The following CEP112 variants were observed in gnomAD, a reference collection of about 807,000 sequenced individuals.
The protein encoded by CEP112 is centrosomal protein of 112 kDa.
CEP112 carries 127 observed loss-of-function variants against 153.0 expected under a neutral mutation model. That is an observed-to-expected ratio of 0.83 (90% CI 0.72 to 0.96). The LOEUF (loss-of-function observed/expected upper bound fraction) is 0.96. Among genes scored for constraint, CEP112 ranks in the 40% least tolerant of loss-of-function variants. The pLI, the probability that CEP112 is intolerant of heterozygous loss-of-function variation, is 0.00. For missense variants in CEP112, 1,089 were observed against 1,101.2 expected (o/e 0.99, Z 0.16); for synonymous variants, 358 against 374.4 (o/e 0.96, Z 0.51).
intron 21 of CEP112, among the ~76,000 whole-genome samples, chr17:65,830,930 C>T (rs2057049380): frequency 6.6e-6 from 1 of 152,154 alleles, no homozygotes. Flanking sequence ...TATAAATCTT[C>T]CCCAGACCAG....
intron 6 of CEP112, among the ~76,000 whole-genome samples, chr17:66,110,688 A>G (rs1294915172): frequency 1.3e-5 from 2 of 150,698 alleles, no homozygotes; most frequent in African/African-American, 4.9e-5. Context: ...AAAAAAAAAA[A>G]GCATAAATAC....
At chr17:65,980,242 A>G (rs897395117) in intron 17 of CEP112, among the ~76,000 whole-genome samples, 4 of 152,224 alleles carry the variant, frequency 2.6e-5, no homozygotes, top group African/African-American at 7.2e-5. Context: ...AATAAATTTT[A>G]TATCAAGTAA....
intron 20 of CEP112, among the ~76,000 whole-genome samples, chr17:65,863,011 TTAG>T (rs1191257166): frequency 3.3e-5 from 5 of 152,122 alleles, no homozygotes; most frequent in East Asian, 1.9e-4. Context: ...GAATAACATA[TTAG>T]TAGTTCTAGT....
intron 20 of CEP112, among the ~76,000 whole-genome samples, chr17:65,872,273 T>G (rs891849528): frequency 6.6e-6 from 1 of 152,024 alleles, no homozygotes; most frequent in Non-Finnish European, 1.5e-5. Flanking sequence ...CTTAAATAAA[T>G]TCAAGTGTAT....
At chr17:66,038,281 A>T (rs896084594) in intron 12 of CEP112, among the ~76,000 whole-genome samples, 3 of 152,196 alleles carry the variant, frequency 2.0e-5, no homozygotes, top group Non-Finnish European at 4.4e-5. Flanking sequence ...TTTGTCAAAC[A>T]AATACTTTTG....
At chr17:65,687,160 A>ATTTTTTTTTTTTTTTTTTTTTTTTTT (rs35675811) in intron 24 of CEP112, among the ~76,000 whole-genome samples, 2 of 90,142 alleles carry the variant, frequency 2.2e-5, no homozygotes, top group African/African-American at 5.2e-5. Flanking sequence ...GTTATTATTA[A>ATTTTTTTTTTTTTTTTTTTTTTTTTT]TTTTTTTTTT....
intron 24 of CEP112, among the ~76,000 whole-genome samples, chr17:65,681,557 A>T (rs779076792): frequency 6.6e-6 from 1 of 150,848 alleles, no homozygotes; most frequent in Non-Finnish European, 1.5e-5. Flanking sequence ...ATCTAAAAAA[A>T]TGATAGTGTC....
chr17:66,065,693 G>C (rs148082900), intron 10 of CEP112, among the ~76,000 whole-genome samples: 1 of 150,026 alleles, frequency 6.7e-6, no homozygotes, highest in African/African-American at 2.5e-5. Context: ...GCAGTGGCAC[G>C]GTCTCGGCTC....
At chr17:66,176,136 T>C (rs916408239) in intron 3 of CEP112, among the ~76,000 whole-genome samples, 3 of 152,190 alleles carry the variant, frequency 2.0e-5, no homozygotes, top group Non-Finnish European at 4.4e-5. Flanking sequence ...TAATAAAAGT[T>C]TTAAAATACA....
rs539600325 is a variant in CEP112, at chr17:65,890,594, C to T, written c.2163+11558G>A. On this transcript the variant is annotated intron_variant, in intron 20 of 26. Transcript: ENST00000535342. Reference sequence around the variant, plus strand: ...GAAGGGTAAGTACGCTAGAGTAGGCCGCAGAATATAACCTTCTATTTCCAT... The same window carrying T: ...GAAGGGTAAGTACGCTAGAGTAGGCTGCAGAATATAACCTTCTATTTCCAT... Among the ~76,000 whole-genome samples the T allele has an allele frequency of 1.4e-4, 22 of 152,142 alleles. No homozygotes were observed. The South Asian group carries it at 2.9e-3, about 20-fold the overall frequency.
At chr17:66,079,151 G>C (rs1281982607) in intron 8 of CEP112, among the ~76,000 whole-genome samples, 1 of 152,060 alleles carries the variant, frequency 6.6e-6, no homozygotes, top group Admixed American at 6.6e-5. Context: ...CTAAGAAAAA[G>C]GAATGCTGCG....
At chr17:66,038,227 G>A (rs1031696072) in intron 12 of CEP112, among the ~76,000 whole-genome samples, 1 of 152,124 alleles carries the variant, frequency 6.6e-6, no homozygotes, top group Non-Finnish European at 1.5e-5. Flanking sequence ...ATGCAGATAA[G>A]TATTACATGA....
intron 23 of CEP112, among the ~76,000 whole-genome samples, chr17:65,693,218 G>A (rs372700960): frequency 7.2e-5 from 11 of 152,138 alleles, no homozygotes; most frequent in African/African-American, 2.4e-4. Flanking sequence ...CCCTGAGAGT[G>A]CTACACTCGG....
At chr17:65,833,980 C>T (rs1339218968) in intron 21 of CEP112, among the ~76,000 whole-genome samples, 2 of 151,988 alleles carry the variant, frequency 1.3e-5, no homozygotes, top group African/African-American at 4.8e-5. Context: ...CCAAAACAGC[C>T]TGGTACTGGT....
At chr17:66,114,135 G>A (rs1025085823) in intron 6 of CEP112, among the ~76,000 whole-genome samples, 6 of 152,146 alleles carry the variant, frequency 3.9e-5, no homozygotes, top group South Asian at 2.1e-4. Context: ...TCAATGGCAC[G>A]AATAAATAAC....
At position 65,822,951 on chromosome 17, in the gene CEP112, G is replaced by A. The variant is rs9901097; in HGVS notation, c.2394+28853C>T. ...TCTATTATATTTATATATTAGCAAA[G>A]AACAATTGGGAATTGAAGATAAAAT... On this transcript the variant is annotated intron_variant, in intron 21 of 26. Transcript: ENST00000535342. Among the ~76,000 whole-genome samples the A allele has an allele frequency of 1.3e-3, 194 of 152,038 alleles. 1 individual carries two copies. Among genetic ancestry groups the A allele is most frequent in the African/African-American group, 4.6e-3 (189 of 41,498 alleles).
intron 20 of CEP112, among the ~76,000 whole-genome samples, chr17:65,859,023 G>C (rs2146368620): frequency 6.6e-6 from 1 of 152,228 alleles, no homozygotes; most frequent in East Asian, 1.9e-4. Flanking sequence ...TCTAATTCCA[G>C]AGATCAATTC....
rs368210348 is a variant in CEP112, at chr17:66,132,783, G to A, written c.471-20C>T. 1.7e-5 allele frequency: 25 copies of A among 1,503,048 alleles called. No individual in the cohort carries two copies. Among genetic ancestry groups the A allele is most frequent in the Middle Eastern group, 3.4e-4 (2 of 5,864 alleles). 93.1% of individuals were successfully genotyped at this position (1,503,048 alleles called of 1,614,324 possible). On this transcript the variant is annotated intron_variant, in intron 4 of 26. Transcript: ENST00000535342. ...TCCCTGCTAAGAGACCAAAATAATCGCAATCACAATTTGGAGAATTCAGAG... is the reference window on the plus strand; with the variant it reads ...TCCCTGCTAAGAGACCAAAATAATCACAATCACAATTTGGAGAATTCAGAG...
chr17:65,976,746 T>TC (rs60883683), intron 17 of CEP112, among the ~76,000 whole-genome samples: 3,170 of 147,576 alleles, frequency 0.021, 122 homozygotes, highest in African/African-American at 0.074. Flanking sequence ...TTTTTTTTTT[T>TC]TTTTTTTTGA....
Sources: allele counts gnomAD v4.1 joint callset (sites outside exome capture counted in the v4.1 genomes callset), GRCh38; gene constraint gnomAD v4.1.1; transcripts MANE v1.5; gene names NCBI Gene and HGNC (gene_info 2026-07-23, HGNC 2026-07-21).